Variants in DNMT3A observed in about 807,000 individuals in gnomAD.
The protein encoded by DNMT3A is DNA methyltransferase 3 alpha.
A neutral mutation model predicts 117.6 loss-of-function variants in DNMT3A; 267 were observed. The observed-to-expected ratio is 2.27, with a 90% CI of 2.05 to 2.51. The LOEUF is 2.51. DNMT3A is among the 30% of genes most tolerant of loss of function. The pLI is 0.00. For missense variants in DNMT3A, 1,029 were observed against 1,260.2 expected (o/e 0.82, Z 2.78); for synonymous variants, 432 against 474.8 (o/e 0.91, Z 1.17).
chr2:25,284,378 G>A (rs1033305334), intron 3 of DNMT3A, among the ~76,000 whole-genome samples: 15 of 151,986 alleles, frequency 9.9e-5, no homozygotes, highest in African/African-American at 3.4e-4. Flanking sequence ...CAGGCGTGGT[G>A]GCTTACGCCT....
chr2:25,291,767 C>T lies in DNMT3A; in HGVS notation c.177+8372G>A, dbSNP rs138157090. ...GGGCTCTGCAAAGCCTTAGAGGTCA[C>T]TCAGTCCATGGCCTGGCTAGGCCGT... On this transcript the variant is annotated intron_variant, in intron 3 of 22. Coordinates refer to ENST00000321117, the MANE Select transcript of DNMT3A (RefSeq NM_022552.5). Among the ~76,000 whole-genome samples the T allele has an allele frequency of 4.2e-3, 636 of 152,372 alleles. 4 individuals carry two copies. Among genetic ancestry groups the T allele is most frequent in the African/African-American group, 0.015 (618 of 41,590 alleles).
chr2:25,308,484 C>A (rs917497361), intron 2 of DNMT3A, among the ~76,000 whole-genome samples: 1 of 151,994 alleles, frequency 6.6e-6, no homozygotes, highest in African/African-American at 2.4e-5. Flanking sequence ...AACCGAAGCC[C>A]AAAATGTAGG....
chr2:25,260,377 G>A (rs1318480961), intron 6 of DNMT3A, among the ~76,000 whole-genome samples: 2 of 152,156 alleles, frequency 1.3e-5, no homozygotes, highest in Non-Finnish European at 2.9e-5. Context: ...CACTGCCCAG[G>A]TGGTTCTGGT....
At chr2:25,279,089 C>T (rs138361041) in intron 4 of DNMT3A, among the ~76,000 whole-genome samples, 4 of 152,154 alleles carry the variant, frequency 2.6e-5, no homozygotes, top group Admixed American at 6.5e-5. Flanking sequence ...AAAGCCACAT[C>T]GCCACTGCCA....
At chr2:25,310,953 C>T (rs987853291) in intron 2 of DNMT3A, among the ~76,000 whole-genome samples, 1 of 152,202 alleles carries the variant, frequency 6.6e-6, no homozygotes, top group Non-Finnish European at 1.5e-5. Context: ...TGGTCCCCTG[C>T]AAACTATAAT....
chr2:25,238,156 A>T (rs1673571359), intron 20 of DNMT3A, among the ~76,000 whole-genome samples: 1 of 152,116 alleles, frequency 6.6e-6, no homozygotes. Flanking sequence ...GTTCCATGAA[A>T]ATACTGGACC....
At chr2:25,284,645 T>TGA (rs1287436463) in intron 3 of DNMT3A, among the ~76,000 whole-genome samples, 10 of 16,646 alleles carry the variant, frequency 6.0e-4, no homozygotes, top group Non-Finnish European at 7.7e-4. Flanking sequence ...AGACTCCATC[T>TGA]AAAAAAAAAA....
At chr2:25,297,324 G>A (rs868012568) in intron 3 of DNMT3A, among the ~76,000 whole-genome samples, 12 of 152,074 alleles carry the variant, frequency 7.9e-5, no homozygotes, top group African/African-American at 2.7e-4. Context: ...GCCAGGCGAC[G>A]GCAGGTGTAA....
rs2032934006 is a variant in DNMT3A, at chr2:25,293,896, C to T, written c.177+6243G>A. On this transcript the variant is annotated intron_variant, in intron 3 of 22. Coordinates refer to ENST00000321117, the MANE Select transcript of DNMT3A (RefSeq NM_022552.5). The surrounding 1 kb of genome is among the most constrained non-coding windows in gnomAD (Gnocchi z 4.7). The stretch of plus-strand genomic sequence containing the variant: ...ATGTTGGCCAGGCTGGTCTCGAATT[C>T]CTGGCCTCAAGTGATCCACCTGCCT... 1.3e-5 allele frequency among the ~76,000 whole-genome samples: 2 copies of T among 152,208 alleles called. No individual in the cohort carries two copies. Among genetic ancestry groups the T allele is most frequent in the African/African-American group, 4.8e-5 (2 of 41,460 alleles).
intron 3 of DNMT3A, among the ~76,000 whole-genome samples, chr2:25,289,152 G>A (rs913325277): frequency 9.3e-5 from 14 of 150,160 alleles, no homozygotes; most frequent in Admixed American, 1.3e-4. Flanking sequence ...TTGCCCAGGC[G>A]AGTGCAGTGG....
At chr2:25,295,251 C>T (rs75800696) in intron 3 of DNMT3A, among the ~76,000 whole-genome samples, 1,842 of 152,238 alleles carry the variant, frequency 0.012, 38 homozygotes, top group African/African-American at 0.042. Context: ...CTCAGCTCCA[C>T]GCACCAGCCC....
At chr2:25,250,456 G>A (rs1177086647) in intron 6 of DNMT3A, among the ~76,000 whole-genome samples, 3 of 152,206 alleles carry the variant, frequency 2.0e-5, no homozygotes, top group Non-Finnish European at 4.4e-5. Context: ...TGAGCTCACG[G>A]ATCGGACTGC....
At chr2:25,235,131 G>T (rs775281002) in intron 22 of DNMT3A, among the ~76,000 whole-genome samples, 65 of 151,886 alleles carry the variant, frequency 4.3e-4, no homozygotes, top group African/African-American at 1.5e-3. Context: ...GGTTCCCTGG[G>T]GGATCAGCAG....
intron 3 of DNMT3A, among the ~76,000 whole-genome samples, chr2:25,289,137 C>A (rs1161667781): frequency 6.6e-6 from 1 of 151,076 alleles, no homozygotes; most frequent in Admixed American, 6.6e-5. Context: ...CCGAGTCTCG[C>A]TCTGTTGCCC....
intron 1 of DNMT3A, among the ~76,000 whole-genome samples, chr2:25,329,700 C>T (rs1432164573): frequency 6.6e-6 from 1 of 151,556 alleles, no homozygotes; most frequent in African/African-American, 2.4e-5. Context: ...CACACACACA[C>T]ACACACACAC....
At chr2:25,291,244 G>T (rs566505484) in intron 3 of DNMT3A, among the ~76,000 whole-genome samples, 1 of 152,324 alleles carries the variant, frequency 6.6e-6, no homozygotes, top group East Asian at 1.9e-4. Flanking sequence ...CTAGTTTCAG[G>T]AAACAGCTGC....
At chr2:25,340,862 C>A (rs946458389) in intron 1 of DNMT3A, among the ~76,000 whole-genome samples, 1 of 141,846 alleles carries the variant, frequency 7.0e-6, no homozygotes, top group African/African-American at 2.6e-5. Context: ...CCCCCGCGGC[C>A]CGGGCCCGGG....
Position 25,240,729 on chromosome 2 carries a change from A to C in DNMT3A, c.2084T>G (p.Ile695Ser), listed in dbSNP as rs780206885. The change falls in exon 18 of 23, where the codon ATC (isoleucine) becomes AGC (serine). Residue 695 changes from isoleucine to serine, a missense_variant and splice_region_variant. Transcript: ENST00000321117. ...CAGATCGAATGGGCCCCACTCCTGG[A>C]TCTGGGAGGATAAAGGCAACGTGAT... ...GDVRSVTQKH[I>S]QEWGPFDLVI... The C allele has an allele frequency of 6.2e-7, 1 of 1,614,170 alleles. No individual in the cohort carries two copies. The highest frequency in any genetic ancestry group is 8.5e-7 in the Non-Finnish European group (1 of 1,180,006).
chr2:25,266,535 A>G (rs942705870), intron 6 of DNMT3A, among the ~76,000 whole-genome samples: 1 of 152,180 alleles, frequency 6.6e-6, no homozygotes, highest in African/African-American at 2.4e-5. Flanking sequence ...TGCTTATTAA[A>G]TGGAATATGA....
Sources: allele counts gnomAD v4.1 joint callset (sites outside exome capture counted in the v4.1 genomes callset), GRCh38; gene constraint gnomAD v4.1.1; non-coding constraint Gnocchi (gnomAD v3.1); transcripts MANE v1.5; gene names NCBI Gene and HGNC (gene_info 2026-07-23, HGNC 2026-07-21).